Variants in CDK19 observed in about 807,000 individuals in gnomAD.
CDK19 encodes the protein cyclin dependent kinase 19.
A neutral mutation model predicts 68.3 loss-of-function variants in CDK19; 20 were observed. The ratio of observed to expected loss-of-function variants is 0.29; its 90% confidence interval spans 0.21 to 0.43. The LOEUF (loss-of-function observed/expected upper bound fraction) is 0.43, where lower values mean the gene tolerates loss of function less well. CDK19 is among the 20% of genes least tolerant of loss of function. The pLI is 1.00. For synonymous variants in CDK19, 221 were observed against 222.8 expected, an observed-to-expected ratio of 0.99 and a Z score of 0.07; for missense variants, 339 against 623.5, an observed-to-expected ratio of 0.54 and a Z score of 4.86.
intron 1 of CDK19, among the ~76,000 whole-genome samples, chr6:110,804,497 G>A (rs558371419): frequency 3.3e-5 from 5 of 151,412 alleles, no homozygotes; most frequent in Admixed American, 6.6e-5. Flanking sequence ...GGGTAGGTGC[G>A]TGCCACCACG....
At chr6:110,669,826 A>G (rs1770846451) in intron 3 of CDK19, among the ~76,000 whole-genome samples, 1 of 152,198 alleles carries the variant, frequency 6.6e-6, no homozygotes, top group Admixed American at 6.5e-5. Flanking sequence ...AATCTTCACT[A>G]TACATATTAG....
rs949525743 is a variant in CDK19 at position 110,610,962 on chromosome 6, C to T, written c.*3573G>A. On this transcript the variant is annotated 3_prime_UTR_variant, in exon 13 of 13. Transcript: ENST00000368911. ...CAGCACACATAGGTAAATGTCATCCCTTTCCATTCTTAAGAGTCCATTATG... is the reference window on the plus strand; with the variant it reads ...CAGCACACATAGGTAAATGTCATCCTTTTCCATTCTTAAGAGTCCATTATG... The T allele has an allele frequency of 6.6e-6, 1 of 152,186 alleles. No individual in the cohort carries two copies. The highest frequency in any genetic ancestry group is 6.5e-5 in the Admixed American group (1 of 15,280). The allele number at this position is 152,186 out of a possible 1,614,324, so 9.4% of individuals were successfully genotyped here.
At chr6:110,683,035 G>C (rs1334583119) in intron 2 of CDK19, among the ~76,000 whole-genome samples, 1 of 151,666 alleles carries the variant, frequency 6.6e-6, no homozygotes, top group African/African-American at 2.4e-5. Flanking sequence ...AATTAGCCAG[G>C]CATGGTGGTG....
At chr6:110,674,610 A>T (rs1771321532) in intron 2 of CDK19, among the ~76,000 whole-genome samples, 1 of 152,202 alleles carries the variant, frequency 6.6e-6, no homozygotes, top group South Asian at 2.1e-4. Context: ...ACATTACCTT[A>T]AGACAAAGCT....
At chr6:110,759,428 A>AAATAT (rs1275389842) in intron 1 of CDK19, among the ~76,000 whole-genome samples, 7 of 50,906 alleles carry the variant, frequency 1.4e-4, no homozygotes, top group East Asian at 8.3e-4. Context: ...AAAAAAAAAA[A>AAATAT]ATATATATAT....
At chr6:110,623,242 G>A (rs563075849) in intron 9 of CDK19, 48 bp downstream of exon 9, 19 of 1,471,696 alleles carry the variant, frequency 1.3e-5, no homozygotes, top group Middle Eastern at 1.7e-4. Context: ...AATAGAAGGC[G>A]AGATTTGTGC....
Position 110,645,872 on chromosome 6 carries a change from C to T in CDK19, c.457-7166G>A, listed in dbSNP as rs540820447. The T allele has an allele frequency of 3.7e-5, 26 of 704,902 alleles. No homozygotes were observed. The Middle Eastern group carries it at 7.5e-4, about 20-fold the overall frequency. 43.7% of individuals were successfully genotyped at this position (704,902 alleles called of 1,614,324 possible). On this transcript the variant is annotated intron_variant, in intron 4 of 12. Coordinates refer to ENST00000368911, the MANE Select transcript of CDK19 (RefSeq NM_015076.5). Reference sequence around the variant, plus strand: ...TGACCTTCGATTTCGAAGAGACTATCGTAGACGAAAACAGCGGCGACTCAG... The same window carrying T: ...TGACCTTCGATTTCGAAGAGACTATTGTAGACGAAAACAGCGGCGACTCAG...
chr6:110,802,733 C>G (rs930399976), intron 1 of CDK19, among the ~76,000 whole-genome samples: 2 of 151,996 alleles, frequency 1.3e-5, no homozygotes, highest in African/African-American at 4.8e-5. Context: ...GAGATAGTAT[C>G]TAAATTGACA....
chr6:110,713,960 C>A (rs1331427147), intron 2 of CDK19, among the ~76,000 whole-genome samples: 1 of 152,130 alleles, frequency 6.6e-6, no homozygotes, highest in Non-Finnish European at 1.5e-5. Flanking sequence ...ATAAACTTCA[C>A]CATTTTAAAG....
intron 1 of CDK19, among the ~76,000 whole-genome samples, chr6:110,762,827 T>C (rs1779318826): frequency 6.6e-6 from 1 of 152,228 alleles, no homozygotes; most frequent in Non-Finnish European, 1.5e-5. Context: ...CTTGAAATTA[T>C]TCTTATATGA....
chr6:110,669,827 T>TA (rs1351461363), intron 3 of CDK19, among the ~76,000 whole-genome samples: 3 of 152,202 alleles, frequency 2.0e-5, no homozygotes, highest in African/African-American at 7.2e-5. Context: ...ATCTTCACTA[T>TA]ACATATTAGT....
chr6:110,622,267 C>A, intron 10 of CDK19, 101 bp from the exon 11 acceptor site: 1 of 817,510 alleles, frequency 1.2e-6, no homozygotes. Context: ...CACTTATTTC[C>A]TACTCTTCAT....
At chr6:110,701,507 G>T (rs1248133906) in intron 2 of CDK19, among the ~76,000 whole-genome samples, 2 of 150,574 alleles carry the variant, frequency 1.3e-5, no homozygotes, top group East Asian at 2.0e-4. Context: ...AGCCGAGATT[G>T]CACCACTGCA....
chr6:110,624,347 T>C (rs980328171), intron 8 of CDK19, among the ~76,000 whole-genome samples: 1 of 152,130 alleles, frequency 6.6e-6, no homozygotes, highest in Admixed American at 6.5e-5. Flanking sequence ...ATTCTAAATA[T>C]ACTAGATATT....
At chr6:110,633,580 CA>C (rs1402904441) in intron 5 of CDK19, among the ~76,000 whole-genome samples, 1 of 151,978 alleles carries the variant, frequency 6.6e-6, no homozygotes, top group Non-Finnish European at 1.5e-5. Context: ...AGGTCTAAAC[CA>C]AAGCTAATCA....
At chr6:110,682,157 T>C (rs961707067) in intron 2 of CDK19, among the ~76,000 whole-genome samples, 6 of 152,236 alleles carry the variant, frequency 3.9e-5, no homozygotes, top group Admixed American at 6.5e-5. Flanking sequence ...ATACTTCAAT[T>C]ACTCACTTAT....
At chr6:110,759,777 G>A (rs929762962) in intron 1 of CDK19, among the ~76,000 whole-genome samples, 9 of 151,692 alleles carry the variant, frequency 5.9e-5, no homozygotes, top group African/African-American at 1.7e-4. Context: ...AAATTGACCT[G>A]AATTCACCTG....
At chr6:110,773,998 CA>C (rs1780215973) in intron 1 of CDK19, 1 of 152,044 alleles carries the variant, frequency 6.6e-6, no homozygotes, top group South Asian at 2.1e-4. Context: ...TTACACTGCC[CA>C]AAACATAAAA....
chr6:110,698,462 A>G (rs933381773), intron 2 of CDK19, among the ~76,000 whole-genome samples: 3 of 152,190 alleles, frequency 2.0e-5, no homozygotes, highest in African/African-American at 7.2e-5. Context: ...ATGAGATACC[A>G]CCTTACTTCT....
Sources: allele counts gnomAD v4.1 joint callset (sites outside exome capture counted in the v4.1 genomes callset), GRCh38; gene constraint gnomAD v4.1.1; transcripts MANE v1.5; gene names NCBI Gene and HGNC (gene_info 2026-07-23, HGNC 2026-07-21).